The following SLMAP variants were observed in gnomAD, a reference collection of about 807,000 sequenced individuals.
The protein encoded by SLMAP is sarcolemma associated protein, also known as sarcolemmal membrane-associated protein.
A neutral mutation model predicts 128.8 loss-of-function variants in SLMAP; 44 were observed. That is an observed-to-expected ratio of 0.34 (90% CI 0.27 to 0.44). SLMAP has a LOEUF of 0.44. Among genes scored for constraint, SLMAP ranks in the 20% least tolerant of loss-of-function variants. The pLI, the probability that SLMAP is intolerant of heterozygous loss-of-function variation, is 1.00. For missense variants in SLMAP, 787 were observed against 985.3 expected, an observed-to-expected ratio of 0.80 and a Z score of 2.69; for synonymous variants, 327 against 348.8, an observed-to-expected ratio of 0.94 and a Z score of 0.70.
chr3:57,790,679 G>A (rs1017168040), intron 2 of SLMAP, among the ~76,000 whole-genome samples: 1 of 151,966 alleles, frequency 6.6e-6, no homozygotes, highest in African/African-American at 2.4e-5. Flanking sequence ...TGAAACCATC[G>A]AGCAATTATT....
At chr3:57,871,543 C>T in intron 13 of SLMAP, 93 bp from the exon 14 acceptor site, 1 of 853,524 alleles carries the variant, frequency 1.2e-6, no homozygotes, top group Non-Finnish European at 2.0e-6. Flanking sequence ...TACTTAGTAC[C>T]CATGTTAATA....
intron 2 of SLMAP, among the ~76,000 whole-genome samples, chr3:57,792,668 T>A (rs952152560): frequency 6.6e-6 from 1 of 152,146 alleles, no homozygotes; most frequent in Non-Finnish European, 1.5e-5. Flanking sequence ...AGTCGTTAAC[T>A]CTTTAGAAAT....
intron 2 of SLMAP, among the ~76,000 whole-genome samples, chr3:57,775,985 C>A (rs1487610286): frequency 6.6e-6 from 1 of 152,132 alleles, no homozygotes; most frequent in African/African-American, 2.4e-5. Context: ...AGGCGTGAGC[C>A]ACCACGCCGG....
rs764438957 is a variant in SLMAP, at chr3:57,841,402, G to C, written c.419+31G>C. 12 of 1,315,192 alleles carry C rather than the reference G, an allele frequency of 9.1e-6. No individual in the cohort carries two copies. In the East Asian group the frequency reaches 2.8e-4, roughly 31 times the overall value. The allele number at this position is 1,315,192 out of a possible 1,614,324, so 81.5% of individuals were successfully genotyped here. A position where few individuals can be genotyped will look rare whatever the true frequency, so the allele number is the denominator to read the frequency against. Reference sequence around the variant, plus strand: ...TATAATTTAGTACTGTGAAGTTTTTGTGAAGTTTAGTACTGTAAAGAATTT... The same window carrying C: ...TATAATTTAGTACTGTGAAGTTTTTCTGAAGTTTAGTACTGTAAAGAATTT... On this transcript the variant is annotated intron_variant, in intron 4 of 24. Transcript: ENST00000671191.
intron 2 of SLMAP, among the ~76,000 whole-genome samples, chr3:57,775,173 G>GCC (rs201730533): frequency 6.6e-6 from 1 of 151,120 alleles, no homozygotes. Context: ...TCCTGCCTCA[G>GCC]CCCCCGAGTA....
intron 13 of SLMAP, among the ~76,000 whole-genome samples, chr3:57,870,347 T>C (rs2095451688): frequency 1.3e-5 from 2 of 152,152 alleles, no homozygotes; most frequent in South Asian, 2.1e-4. Context: ...TTCTTATTTA[T>C]TAGATTTTTT....
At chr3:57,913,429 AAATACTTCAG>A (rs2096740320) in intron 21 of SLMAP, among the ~76,000 whole-genome samples, 154 bp downstream of exon 21, 1 of 152,122 alleles carries the variant, frequency 6.6e-6, no homozygotes, top group Non-Finnish European at 1.5e-5. Flanking sequence ...CATACTGAAT[AAATACTTCAG>A]CTTTTTTTTT....
At chr3:57,871,529 G>T in intron 13 of SLMAP, 107 bp from the exon 14 acceptor site, 2 of 763,424 alleles carry the variant, frequency 2.6e-6, no homozygotes, top group South Asian at 1.6e-5. Flanking sequence ...GCCTTTATTA[G>T]TCTTACTTAG....
chr3:57,771,297 C>A (rs1012498075), intron 2 of SLMAP, among the ~76,000 whole-genome samples: 1 of 152,114 alleles, frequency 6.6e-6, no homozygotes. Context: ...GATCACAGCT[C>A]ACTACGGCCT....
intron 2 of SLMAP, among the ~76,000 whole-genome samples, chr3:57,814,140 G>T (rs1348028522): frequency 1.3e-5 from 2 of 149,562 alleles, no homozygotes; most frequent in Non-Finnish European, 3.0e-5. Flanking sequence ...TACTTTCCAA[G>T]TCATGAGCCC....
intron 2 of SLMAP, among the ~76,000 whole-genome samples, chr3:57,796,819 G>T (rs1012706612): frequency 2.0e-5 from 3 of 152,080 alleles, no homozygotes; most frequent in Non-Finnish European, 4.4e-5. Context: ...AATGCCTTGG[G>T]ATGATATCAG....
intron 2 of SLMAP, among the ~76,000 whole-genome samples, chr3:57,792,875 C>T (rs1209914634): frequency 1.3e-5 from 2 of 152,054 alleles, no homozygotes; most frequent in African/African-American, 4.8e-5. Flanking sequence ...CGGTGACTCA[C>T]ACCTGTAATC....
chr3:57,771,716 A>G (rs183850675), intron 2 of SLMAP, among the ~76,000 whole-genome samples: 1 of 152,194 alleles, frequency 6.6e-6, no homozygotes, highest in Non-Finnish European at 1.5e-5. Context: ...GTGCTTTTTC[A>G]TTGTTGAAAA....
At chr3:57,915,266 T>G (rs2096787250) in intron 21 of SLMAP, among the ~76,000 whole-genome samples, 1 of 152,342 alleles carries the variant, frequency 6.6e-6, no homozygotes, top group Admixed American at 6.5e-5. Context: ...TTCAATTATT[T>G]CAAATTTTAA....
chr3:57,824,795 C>A (rs774882892), intron 2 of SLMAP, among the ~76,000 whole-genome samples: 1 of 152,080 alleles, frequency 6.6e-6, no homozygotes, highest in Non-Finnish European at 1.5e-5. Flanking sequence ...AAAAGGTGGT[C>A]ATTGGAATTT....
intron 4 of SLMAP, among the ~76,000 whole-genome samples, chr3:57,844,321 G>A (rs1362401145): frequency 6.6e-6 from 1 of 151,962 alleles, no homozygotes; most frequent in Non-Finnish European, 1.5e-5. Context: ...TTGAACCCCG[G>A]AGGCGGAAGT....
chr3:57,888,885 G>T (rs1048376330), intron 14 of SLMAP, among the ~76,000 whole-genome samples: 2 of 149,906 alleles, frequency 1.3e-5, no homozygotes, highest in Non-Finnish European at 3.0e-5. Context: ...GTTACTTTCT[G>T]TTTTTTTTTC....
In SLMAP at chr3:57,823,686, G is replaced by T. The variant is rs536743605; in HGVS notation, c.199-7697G>T. 3.5e-4 allele frequency among the ~76,000 whole-genome samples: 53 copies of T among 152,336 alleles called. 1 individual carries two copies. The South Asian group carries it at 0.011, about 31-fold the overall frequency. ...ATAGTGCCGCAGTAAACATACGTGT[G>T]CATGTGTCTTTATAGCAGCATGATT... On this transcript the variant is annotated intron_variant, in intron 2 of 24. Transcript: ENST00000671191.
intron 14 of SLMAP, among the ~76,000 whole-genome samples, chr3:57,874,541 T>A (rs2095558240): frequency 6.6e-6 from 1 of 151,288 alleles, no homozygotes; most frequent in African/African-American, 2.4e-5. Context: ...GGCAACATAC[T>A]GAGACTCCGT....
Sources: allele counts gnomAD v4.1 joint callset (sites outside exome capture counted in the v4.1 genomes callset), GRCh38; gene constraint gnomAD v4.1.1; transcripts MANE v1.5; gene names NCBI Gene and HGNC (gene_info 2026-07-23, HGNC 2026-07-21).